LMO7: variants seen among roughly 807,000 people sequenced by gnomAD.
LMO7 encodes the protein LIM domain 7.
LMO7 carries 120 observed loss-of-function variants against 206.5 expected under a neutral mutation model. The observed-to-expected ratio is 0.58, with a 90% CI of 0.50 to 0.68. The LOEUF is 0.68. LMO7 is among the 30% of genes least tolerant of loss of function. The pLI is 0.00. For synonymous variants in LMO7, 706 were observed against 681.5 expected (o/e 1.04, Z -0.56); for missense variants, 1,959 against 1,957.9 (o/e 1.00, Z -0.01).
intron 4 of LMO7, among the ~76,000 whole-genome samples, chr13:75,771,288 A>AC (rs1284763433): frequency 6.6e-6 from 1 of 152,146 alleles, no homozygotes; most frequent in Non-Finnish European, 1.5e-5. Flanking sequence ...GAGATGTAGT[A>AC]CAAATGTGGT....
At position 75,835,290 on chromosome 13, in the gene LMO7, C is replaced by T. The variant is rs1348631429; in HGVS notation, c.3284C>T (p.Ser1095Phe). The change falls in exon 18 of 31, where the codon TCT becomes TTT. Residue 1095 changes from serine to phenylalanine, a missense_variant. Physicochemically the swap from Ser to Phe is radical, Grantham distance 155. Transcript: ENST00000377534. ...ATSGIYNSEK[S>F]SNLSVTTDFS... ...TCTGGAATTTACAACTCAGAAAAAT[C>T]TTCAAATCTATCTGTAACAACTGAT... The T allele has an allele frequency of 1.2e-6, 2 of 1,610,236 alleles. No individual in the cohort carries two copies. The highest frequency in any genetic ancestry group is 2.7e-5 in the African/African-American group (2 of 74,680).
intron 2 of LMO7, among the ~76,000 whole-genome samples, chr13:75,726,201 A>C (rs1346986346): frequency 2.0e-5 from 3 of 152,062 alleles, no homozygotes. Context: ...TTAATAGAAA[A>C]GCATTTTTAT....
chr13:75,722,827 A>G (rs754245563), intron 2 of LMO7, among the ~76,000 whole-genome samples: 1 of 152,230 alleles, frequency 6.6e-6, no homozygotes, highest in Non-Finnish European at 1.5e-5. Context: ...ATACCATGGA[A>G]TACTACTCAG....
intron 2 of LMO7, among the ~76,000 whole-genome samples, chr13:75,625,733 A>C (rs2033967296): frequency 6.6e-6 from 1 of 152,122 alleles, no homozygotes; most frequent in Non-Finnish European, 1.5e-5. Context: ...CTTGGGAGAG[A>C]CTTTGATGGT....
Position 75,852,753 on chromosome 13 carries a change from G to C in LMO7, c.4365-339G>C, listed in dbSNP as rs903028480. Among the ~76,000 whole-genome samples the C allele has an allele frequency of 7.9e-5, 12 of 152,156 alleles. 1 individual carries two copies. Among genetic ancestry groups the C allele is most frequent in the African/African-American group, 2.9e-4 (12 of 41,436 alleles). Reference sequence around the variant, plus strand: ...CAGTAAATTGTATACTTGACACTTTGTTGTAAAATAGGCTTTGTGTTGCTT... The same window carrying C: ...CAGTAAATTGTATACTTGACACTTTCTTGTAAAATAGGCTTTGTGTTGCTT... On this transcript the variant is annotated intron_variant, in intron 27 of 30. Transcript: ENST00000377534.
At chr13:75,790,194 T>A (rs2053070037) in intron 4 of LMO7, among the ~76,000 whole-genome samples, 1 of 151,998 alleles carries the variant, frequency 6.6e-6, no homozygotes, top group South Asian at 2.1e-4. Flanking sequence ...GTGTTGGGGG[T>A]GGAGGGGGCG....
At chr13:75,789,763 C>T (rs1240650070) in intron 4 of LMO7, among the ~76,000 whole-genome samples, 1 of 152,148 alleles carries the variant, frequency 6.6e-6, no homozygotes, top group Non-Finnish European at 1.5e-5. Context: ...CTTGGATAAA[C>T]AGAAGGCATT....
intron 4 of LMO7, among the ~76,000 whole-genome samples, chr13:75,777,880 C>T (rs1474891452): frequency 2.0e-5 from 3 of 152,004 alleles, no homozygotes; most frequent in Admixed American, 6.5e-5. Context: ...CTCCTGACCT[C>T]GTGATCCGCC....
At chr13:75,745,598 C>T (rs1440802721) in intron 3 of LMO7, among the ~76,000 whole-genome samples, 2 of 152,106 alleles carry the variant, frequency 1.3e-5, no homozygotes, top group Non-Finnish European at 2.9e-5. Flanking sequence ...AGTCATTATT[C>T]CGGGTGTGTT....
At chr13:75,801,438 C>A (rs902465330) in intron 7 of LMO7, among the ~76,000 whole-genome samples, 1 of 152,252 alleles carries the variant, frequency 6.6e-6, no homozygotes, top group Non-Finnish European at 1.5e-5. Flanking sequence ...ACCTAACATG[C>A]AGGTAGAAAT....
chr13:75,670,463 A>G (rs1009824258), intron 1 of LMO7, among the ~76,000 whole-genome samples: 3 of 152,232 alleles, frequency 2.0e-5, no homozygotes, highest in African/African-American at 4.8e-5. Context: ...TCAAACACAT[A>G]GGCTATATAG....
intron 1 of LMO7, among the ~76,000 whole-genome samples, chr13:75,677,238 C>T (rs1330783775): frequency 6.6e-6 from 1 of 152,120 alleles, no homozygotes; most frequent in Non-Finnish European, 1.5e-5. Flanking sequence ...ATACTTTTGA[C>T]TAAGTGGAGT....
chr13:75,785,476 AATT>A (rs1220202801), intron 4 of LMO7, among the ~76,000 whole-genome samples: 1 of 152,174 alleles, frequency 6.6e-6, no homozygotes, highest in Non-Finnish European at 1.5e-5. Flanking sequence ...CAATTATTAC[AATT>A]ATTATATTAC....
rs1204045344 is a variant in LMO7 at position 75,859,450 on chromosome 13, AT to A, written c.*1508del. The stretch of plus-strand genomic sequence containing the variant: ...TTTCCATGTTCTTAAAATTATTTTT[AT>A]CTTTTTTCATGGTTGCATAGTGCTC... On this transcript the variant is annotated 3_prime_UTR_variant, in exon 31 of 31. Transcript: ENST00000377534. 1.3e-5 allele frequency: 2 copies of A among 152,158 alleles called. No homozygotes were observed. Among genetic ancestry groups the A allele is most frequent in the African/African-American group, 4.8e-5 (2 of 41,456 alleles). 9.4% of individuals were successfully genotyped at this position (152,158 alleles called of 1,614,324 possible). A position where few individuals can be genotyped will look rare whatever the true frequency, so the allele number is the denominator to read the frequency against.
intron 2 of LMO7, among the ~76,000 whole-genome samples, chr13:75,625,284 T>C (rs67748130): frequency 0.066 from 10,064 of 152,324 alleles, 385 homozygotes; most frequent in Non-Finnish European, 0.099. Flanking sequence ...TTTCTTCTCA[T>C]ATTCTTCTGA....
Position 75,727,598 on chromosome 13 carries a change from G to A in LMO7, c.210+500G>A, listed in dbSNP as rs2044601979. Among the ~76,000 whole-genome samples the A allele has an allele frequency of 4.6e-5, 7 of 152,040 alleles. No individual in the cohort carries two copies. The South Asian group carries it at 1.5e-3, about 32-fold the overall frequency. ...TAATTTTAGATAAATGGTAGCACAT[G>A]TATTGCCTATACTTTGCTTTTTTCT... On this transcript the variant is annotated intron_variant, in intron 3 of 30. Coordinates refer to ENST00000377534, the MANE Select transcript of LMO7 (RefSeq NM_001306080.2).
At chr13:75,781,462 A>AT (rs943931002) in intron 4 of LMO7, among the ~76,000 whole-genome samples, 5 of 151,308 alleles carry the variant, frequency 3.3e-5, no homozygotes, top group Non-Finnish European at 5.9e-5. Flanking sequence ...TGAACTCATC[A>AT]TTTTTTATGG....
intron 3 of LMO7, among the ~76,000 whole-genome samples, chr13:75,751,230 G>T (rs1205683963): frequency 7.9e-6 from 1 of 126,488 alleles, no homozygotes; most frequent in Non-Finnish European, 1.6e-5. Flanking sequence ...GCGTGATCTC[G>T]GCTCACTGCA....
Position 75,858,184 on chromosome 13 carries a change from A to G in LMO7, c.*241A>G, listed in dbSNP as rs182780311. 3.9e-4 allele frequency: 151 copies of G among 389,978 alleles called. No homozygotes were observed. Among genetic ancestry groups the G allele is most frequent in the Non-Finnish European group, 4.5e-4 (99 of 219,606 alleles). 24.2% of individuals were successfully genotyped at this position (389,978 alleles called of 1,614,324 possible). A position where few individuals can be genotyped will look rare whatever the true frequency, so the allele number is the denominator to read the frequency against. ...GCAGTATTTACCTGTTGAATTCAGC[A>G]TCTTGAGAGCACAAGGGAAAAAATA... On this transcript the variant is annotated 3_prime_UTR_variant, in exon 31 of 31. Transcript: ENST00000377534.
Sources: gnomAD v4.1 joint callset for allele counts (sites outside exome capture counted in the v4.1 genomes callset) on GRCh38, gnomAD v4.1.1 for gene constraint, MANE v1.5 for transcripts, NCBI Gene and HGNC (gene_info 2026-07-23, HGNC 2026-07-21) for gene names.